The following SUZ12 variants were observed in gnomAD, a reference collection of about 807,000 sequenced individuals.
The protein encoded by SUZ12 is polycomb protein SUZ12.
A neutral mutation model predicts 87.3 loss-of-function variants in SUZ12; 17 were observed. The ratio of observed to expected loss-of-function variants is 0.19; its 90% CI spans 0.13 to 0.29. The LOEUF is 0.29. Among genes scored for constraint, SUZ12 ranks in the 10% least tolerant of loss-of-function variants. SUZ12 has a pLI of 1.00. For synonymous variants in SUZ12, 253 were observed against 312.4 expected (o/e 0.81, Z 2.01); for missense variants, 526 against 912.2 (o/e 0.58, Z 5.45).
chr17:31,971,814 T>C (rs1020010512), intron 5 of SUZ12, among the ~76,000 whole-genome samples: 182 of 152,304 alleles, frequency 1.2e-3, no homozygotes, highest in African/African-American at 4.2e-3. Context: ...CAGTGTATTA[T>C]CATAAATGTT....
At chr17:31,994,906 C>G (rs1909893329) in intron 13 of SUZ12, among the ~76,000 whole-genome samples, 185 bp downstream of exon 13, 1 of 152,176 alleles carries the variant, frequency 6.6e-6, no homozygotes, top group Admixed American at 6.5e-5. Flanking sequence ...GAGAAGTTTT[C>G]TCACTTTTCC....
At chr17:31,952,587 G>C (rs538661366) in intron 4 of SUZ12, among the ~76,000 whole-genome samples, 1 of 152,186 alleles carries the variant, frequency 6.6e-6, no homozygotes. Flanking sequence ...TTTTGAGATG[G>C]AATGTGGCTT....
intron 3 of SUZ12, 101 bp from the exon 4 acceptor site, chr17:31,947,516 A>G (rs181132119): frequency 2.6e-5 from 36 of 1,406,444 alleles, no homozygotes; most frequent in Non-Finnish European, 3.4e-5. Flanking sequence ...AAAAATAATC[A>G]AAATCTGGTT....
rs74599493 is a variant in SUZ12, at chr17:31,940,717, T to C, written c.386+231T>C. Among the ~76,000 whole-genome samples the C allele has an allele frequency of 5.9e-5, 9 of 151,834 alleles. No individual in the cohort carries two copies. The East Asian group carries it at 1.5e-3, about 26-fold the overall frequency. On this transcript the variant is annotated intron_variant, in intron 3 of 15. Coordinates refer to ENST00000322652, the MANE Select transcript of SUZ12 (RefSeq NM_015355.4). The stretch of plus-strand genomic sequence containing the variant: ...TGTTATTAGCTTTTTTTTTTTATCC[T>C]CTAATAGAAATGAGGCTGGGTGTGG...
chr17:31,971,547 C>T (rs995113442), intron 5 of SUZ12, among the ~76,000 whole-genome samples: 2 of 151,374 alleles, frequency 1.3e-5, no homozygotes, highest in African/African-American at 4.9e-5. Flanking sequence ...AGTTCTGCCT[C>T]AGCCTCCCAA....
At chr17:31,964,448 C>G (rs1443879720) in intron 4 of SUZ12, among the ~76,000 whole-genome samples, 5 of 151,640 alleles carry the variant, frequency 3.3e-5, no homozygotes, top group Non-Finnish European at 5.9e-5. Flanking sequence ...CCCCTGTCAC[C>G]CAGGCTGGAG....
At chr17:31,977,870 C>T (rs1156531511) in intron 8 of SUZ12, among the ~76,000 whole-genome samples, 1 of 152,082 alleles carries the variant, frequency 6.6e-6, no homozygotes, top group Non-Finnish European at 1.5e-5. Flanking sequence ...TCCTGGGTGA[C>T]AGAGCAAGAC....
At chr17:31,988,703 C>T (rs1598184692) in intron 10 of SUZ12, among the ~76,000 whole-genome samples, 1 of 151,678 alleles carries the variant, frequency 6.6e-6, no homozygotes, top group Non-Finnish European at 1.5e-5. Flanking sequence ...GATGATTCTC[C>T]TGACTCAGCC....
intron 4 of SUZ12, among the ~76,000 whole-genome samples, chr17:31,960,664 G>A (rs1232556829): frequency 2.0e-5 from 3 of 152,046 alleles, no homozygotes; most frequent in Admixed American, 1.3e-4. Context: ...TGCAACGTCC[G>A]CCTCCCAGGT....
At position 31,961,238 on chromosome 17, in the gene SUZ12, A is replaced by G. The variant is rs150670239; in HGVS notation, c.456-4909A>G. Among the ~76,000 whole-genome samples, 126 of 151,778 alleles carry G rather than the reference A, an allele frequency of 8.3e-4. 1 individual carries two copies. The highest frequency in any genetic ancestry group is 2.9e-3 in the African/African-American group (120 of 41,416). On this transcript the variant is annotated intron_variant, in intron 4 of 15. Coordinates refer to ENST00000322652, the MANE Select transcript of SUZ12 (RefSeq NM_015355.4). ...AAAAAAAAAAAAAATTCTTTCTCAC[A>G]AAGAAACACTAGTATGATAATGGCT...
intron 3 of SUZ12, among the ~76,000 whole-genome samples, chr17:31,946,894 A>G (rs1231647274): frequency 6.6e-6 from 1 of 152,172 alleles, no homozygotes; most frequent in Non-Finnish European, 1.5e-5. Context: ...TTGTCAAGTT[A>G]AAAGGTAGTA....
rs141214194 is a variant in SUZ12 at position 31,986,845 on chromosome 17, C to T, written c.1024-1475C>T. ...GATTACAGGCGTGTGCCATTGCGCC[C>T]GGTCCTCTAATCTAAATAGTTTTAA... On this transcript the variant is annotated intron_variant, in intron 9 of 15. Transcript: ENST00000322652. 2.3e-3 allele frequency among the ~76,000 whole-genome samples: 352 copies of T among 152,230 alleles called. 1 individual carries two copies. The highest frequency in any genetic ancestry group is 7.9e-3 in the African/African-American group (330 of 41,554).
At chr17:31,994,076 C>G (rs1000499625) in intron 12 of SUZ12, 68 bp downstream of exon 12, 30 of 1,432,830 alleles carry the variant, frequency 2.1e-5, no homozygotes, top group Non-Finnish European at 2.6e-5. Flanking sequence ...ATATATACAT[C>G]TATGTACCCA....
At chr17:31,989,012 C>T (rs943322862) in intron 10 of SUZ12, among the ~76,000 whole-genome samples, 2 of 151,650 alleles carry the variant, frequency 1.3e-5, no homozygotes, top group African/African-American at 4.8e-5. Context: ...GTGGAGGTTG[C>T]AGCCGAGATT....
At chr17:31,961,135 C>A (rs1907687012) in intron 4 of SUZ12, among the ~76,000 whole-genome samples, 2 of 152,010 alleles carry the variant, frequency 1.3e-5, no homozygotes, top group South Asian at 4.1e-4. Context: ...TGGCTTGAAC[C>A]CTGGGAGGCA....
chr17:31,952,031 TC>T, intron 4 of SUZ12, among the ~76,000 whole-genome samples: 1 of 151,920 alleles, frequency 6.6e-6, no homozygotes, highest in Non-Finnish European at 1.5e-5. Flanking sequence ...CACCTTGGCC[TC>T]TCAAAGTGTT....
intron 8 of SUZ12, among the ~76,000 whole-genome samples, chr17:31,979,898 G>A (rs1567830856): frequency 6.6e-6 from 1 of 151,986 alleles, no homozygotes; most frequent in African/African-American, 2.4e-5. Context: ...TTGGAAAATG[G>A]TAATTTTCTA....
At chr17:31,945,586 T>A (rs944024706) in intron 3 of SUZ12, among the ~76,000 whole-genome samples, 1 of 152,214 alleles carries the variant, frequency 6.6e-6, no homozygotes, top group African/African-American at 2.4e-5. Context: ...TATTTCCTTC[T>A]TTAAATCTGA....
rs567304122 is a variant in SUZ12 at position 31,948,087 on chromosome 17, A to G, written c.455+402A>G. The stretch of plus-strand genomic sequence containing the variant: ...CTTGTAAGTTATTCTCAAATATGAG[A>G]GGGGTTCTCTTTTTTTTCCATCTTT... On this transcript the variant is annotated intron_variant, in intron 4 of 15. Transcript: ENST00000322652. Among the ~76,000 whole-genome samples the G allele has an allele frequency of 2.5e-3, 380 of 152,208 alleles. 1 individual carries two copies. Among genetic ancestry groups the G allele is most frequent in the Non-Finnish European group, 3.5e-3 (240 of 67,998 alleles).
Sources: gnomAD v4.1 joint callset for allele counts (sites outside exome capture counted in the v4.1 genomes callset) on GRCh38, gnomAD v4.1.1 for gene constraint, MANE v1.5 for transcripts, NCBI Gene and HGNC (gene_info 2026-07-23, HGNC 2026-07-21) for gene names.